ZNF667: variants seen among roughly 807,000 people sequenced by gnomAD.
ZNF667 encodes the protein myocardial ischemic preconditioning upregulated 1 ortholog.
Under a neutral mutation model 31.8 loss-of-function variants are expected in ZNF667, and 13 were observed. The ratio of observed to expected loss-of-function variants is 0.41; its 90% CI spans 0.27 to 0.65. ZNF667 has a LOEUF of 0.65. Among genes scored for constraint, ZNF667 ranks in the 30% least tolerant of loss-of-function variants. The probability of loss-of-function intolerance (pLI) is 0.32; values close to 1 mark genes in which losing one functional copy is unlikely to be tolerated. For synonymous variants in ZNF667, 228 were observed against 247.1 expected (o/e 0.92, Z 0.73); for missense variants, 642 against 725.6 (o/e 0.88, Z 1.32).
At chr19:56,460,840 T>G in intron 4 of ZNF667, 25 bp from the exon 5 acceptor site, 2 of 1,567,720 alleles carry the variant, frequency 1.3e-6, no homozygotes, top group Non-Finnish European at 1.7e-6. Context: ...CAAATGTCTA[T>G]TCACCATGGA....
rs570777441 is a variant in ZNF667, at chr19:56,460,676, C to T, written c.160+13G>A. Reference sequence around the variant, plus strand: ...TAGGCTGGTTCTGGATTGTGGGGGACGAAGAGCCTTACCAAGCGAGACCAG... The same window carrying T: ...TAGGCTGGTTCTGGATTGTGGGGGATGAAGAGCCTTACCAAGCGAGACCAG... On this transcript the variant is annotated intron_variant, in intron 5 of 6. Transcript: ENST00000504904. 32 of 1,606,946 alleles carry T rather than the reference C, an allele frequency of 2.0e-5. No homozygotes were observed. Among genetic ancestry groups the T allele is most frequent in the South Asian group, 1.6e-4 (14 of 89,850 alleles).
chr19:56,469,978 C>T, intron 3 of ZNF667: 1 of 479,306 alleles, frequency 2.1e-6, no homozygotes, highest in Non-Finnish European at 4.2e-6. Flanking sequence ...AGCGGAAACA[C>T]ATTCCATTGT....
At chr19:56,466,237 G>C (rs2043156723) in intron 3 of ZNF667, among the ~76,000 whole-genome samples, 1 of 152,166 alleles carries the variant, frequency 6.6e-6, no homozygotes, top group Non-Finnish European at 1.5e-5. Context: ...TAAATCATTA[G>C]CTGTGAGCAT....
intron 6 of ZNF667, among the ~76,000 whole-genome samples, chr19:56,447,512 G>A (rs1052616613): frequency 3.3e-5 from 5 of 152,042 alleles, no homozygotes; most frequent in East Asian, 1.9e-4. Flanking sequence ...TTGAGCCCAG[G>A]AGTTTAAGGT....
chr19:56,444,066 G>A (rs903038250), intron 6 of ZNF667: 7 of 392,976 alleles, frequency 1.8e-5, no homozygotes, highest in African/African-American at 4.1e-5. Flanking sequence ...TAAAAATGCT[G>A]GTTATATGAT....
intron 6 of ZNF667, among the ~76,000 whole-genome samples, chr19:56,456,925 A>C (rs1568445636): frequency 6.6e-6 from 1 of 152,180 alleles, no homozygotes; most frequent in South Asian, 2.1e-4. Flanking sequence ...TGAAATTAAG[A>C]TGTAAAATAA....
intron 6 of ZNF667, among the ~76,000 whole-genome samples, chr19:56,449,016 G>A (rs1028359680): frequency 6.6e-6 from 1 of 152,160 alleles, no homozygotes; most frequent in Non-Finnish European, 1.5e-5. Context: ...TGACTTCCTG[G>A]TAATCTAGGG....
At chr19:56,463,202 C>T (rs2043087344) in intron 3 of ZNF667, among the ~76,000 whole-genome samples, 1 of 152,092 alleles carries the variant, frequency 6.6e-6, no homozygotes, top group Admixed American at 6.5e-5. Flanking sequence ...GTGACACCAT[C>T]AGACAACATT....
chr19:56,464,636 T>C (rs1052169351), intron 3 of ZNF667, among the ~76,000 whole-genome samples: 3 of 152,246 alleles, frequency 2.0e-5, no homozygotes, highest in African/African-American at 4.8e-5. Context: ...TGCTCTCTTA[T>C]TGTATTGCCC....
At chr19:56,465,825 C>T (rs1488315218) in intron 3 of ZNF667, among the ~76,000 whole-genome samples, 4 of 152,088 alleles carry the variant, frequency 2.6e-5, no homozygotes, top group East Asian at 3.9e-4. Flanking sequence ...CCCAGGCTGG[C>T]GTCTAAGGAC....
In ZNF667 at chr19:56,442,068, A is replaced by C; in HGVS notation, c.927T>G (p.Pro309=). ...HKRIHAGEKI[P]ENAKALSQSL... ...TCTGACTTAAGGCCTTCGCATTTTCAGGGATTTTCTCTCCAGCATGAATTC... is the reference window on the plus strand; with the variant it reads ...TCTGACTTAAGGCCTTCGCATTTTCCGGGATTTTCTCTCCAGCATGAATTC... The change falls in exon 7 of 7, where the codon CCT becomes CCG. Residue 309 remains proline, a synonymous_variant. Transcript: ENST00000504904. The C allele has an allele frequency of 2.5e-6, 4 of 1,614,166 alleles. No individual in the cohort carries two copies. Among genetic ancestry groups the C allele is most frequent in the Non-Finnish European group, 3.4e-6 (4 of 1,180,028 alleles).
intron 5 of ZNF667, 60 bp from the exon 6 acceptor site, chr19:56,458,307 C>G: frequency 2.1e-6 from 3 of 1,436,306 alleles, no homozygotes; most frequent in Non-Finnish European, 2.9e-6. Flanking sequence ...AAGTCAGAGC[C>G]ACGCTCTGCA....
intron 3 of ZNF667, chr19:56,466,980 G>T (rs1305938725): frequency 2.2e-6 from 1 of 456,076 alleles, no homozygotes; most frequent in South Asian, 1.6e-5. Flanking sequence ...ACTGTGCTCT[G>T]TGACTCACCT....
At chr19:56,451,344 AAG>A (rs1307495152) in intron 6 of ZNF667, among the ~76,000 whole-genome samples, 1 of 152,184 alleles carries the variant, frequency 6.6e-6, no homozygotes, top group Non-Finnish European at 1.5e-5. Context: ...TTCAGAGCTA[AAG>A]AGAGAGACAG....
At chr19:56,461,730 G>A (rs909528312) in intron 4 of ZNF667, among the ~76,000 whole-genome samples, 1 of 152,226 alleles carries the variant, frequency 6.6e-6, no homozygotes, top group East Asian at 1.9e-4. Flanking sequence ...AACTGCATTT[G>A]AGATGCCTGT....
At position 56,470,451 on chromosome 19, in the gene ZNF667, C is replaced by G. The variant is rs59409147; in HGVS notation, c.-60+1248G>C. On this transcript the variant is annotated intron_variant, in intron 3 of 6. Transcript: ENST00000504904. Reference sequence around the variant, plus strand: ...CTTTAACCTTGAATGGCAAATCAACCACCCAGGGTCCTCATCTTCCATCGC... The same window carrying G: ...CTTTAACCTTGAATGGCAAATCAACGACCCAGGGTCCTCATCTTCCATCGC... Among the ~76,000 whole-genome samples, 1,100 of 152,270 alleles carry G rather than the reference C, an allele frequency of 7.2e-3. 20 individuals carry two copies. Among genetic ancestry groups the G allele is most frequent in the African/African-American group, 0.024 (1,014 of 41,566 alleles).
chr19:56,444,427 G>A (rs751368879), intron 6 of ZNF667: 4 of 392,524 alleles, frequency 1.0e-5, no homozygotes, highest in Non-Finnish European at 1.3e-5. Flanking sequence ...AGGGAATGGT[G>A]CTAAGCCATT....
rs1001531573 is a variant in ZNF667, at chr19:56,469,527, C to T, written c.-60+2172G>A. Among the ~76,000 whole-genome samples, 5 of 152,264 alleles carry T rather than the reference C, an allele frequency of 3.3e-5. No individual in the cohort carries two copies. In the East Asian group the frequency reaches 9.7e-4, roughly 29 times the overall value. On this transcript the variant is annotated intron_variant, in intron 3 of 6. Transcript: ENST00000504904. ...AAGAATCACGTTTGGGTCCTACACC[C>T]CCACCCCCATGCCAGTGCCTCCCTG...
At chr19:56,455,148 G>T (rs1244869232) in intron 6 of ZNF667, among the ~76,000 whole-genome samples, 1 of 152,108 alleles carries the variant, frequency 6.6e-6, no homozygotes, top group African/African-American at 2.4e-5. Flanking sequence ...CAGTTAAAAT[G>T]ACTTTTATCC....
Sources: gnomAD v4.1 joint callset for allele counts (sites outside exome capture counted in the v4.1 genomes callset) on GRCh38, gnomAD v4.1.1 for gene constraint, MANE v1.5 for transcripts, NCBI Gene and HGNC (gene_info 2026-07-23, HGNC 2026-07-21) for gene names.